Variants in CPS1 observed in about 807,000 individuals in gnomAD.
CPS1 encodes carbamoyl-phosphate synthase [ammonia], mitochondrial.
In CPS1, 109 loss-of-function variants were observed where a neutral mutation model predicts 174.6. The ratio of observed to expected loss-of-function variants is 0.62; its 90% CI spans 0.53 to 0.73. The LOEUF (loss-of-function observed/expected upper bound fraction) is 0.73. CPS1 is among the 30% of genes least tolerant of loss of function. CPS1 has a pLI of 0.00. For missense variants in CPS1, 1,689 were observed against 1,821.9 expected (o/e 0.93, Z 1.33); for synonymous variants, 637 against 632.0 (o/e 1.01, Z -0.12).
At chr2:210,506,459 T>C (rs1695287806) in intron 1 of CPS1, among the ~76,000 whole-genome samples, 1 of 151,792 alleles carries the variant, frequency 6.6e-6, no homozygotes, top group Non-Finnish European at 1.5e-5. Flanking sequence ...AAACTGAAAA[T>C]TCTAAAATCA....
At chr2:210,658,809 G>T in intron 31 of CPS1, 121 bp downstream of exon 31, 1 of 745,246 alleles carries the variant, frequency 1.3e-6, no homozygotes, top group Non-Finnish European at 2.4e-6. Context: ...CCCTGGATCT[G>T]TTTGTGTCTG....
chr2:210,595,632 C>T, intron 13 of CPS1, 50 bp downstream of exon 13: 1 of 1,209,080 alleles, frequency 8.3e-7, no homozygotes, highest in South Asian at 1.2e-5. Flanking sequence ...TTTAATGAGT[C>T]TAATTAGTAT....
chr2:210,518,943 A>G (rs1695751133), intron 1 of CPS1, among the ~76,000 whole-genome samples: 3 of 151,970 alleles, frequency 2.0e-5, no homozygotes. Context: ...GGTTTTTATT[A>G]ATTCCAAATG....
intron 28 of CPS1, among the ~76,000 whole-genome samples, chr2:210,652,326 AT>A: frequency 6.6e-6 from 1 of 152,288 alleles, no homozygotes; most frequent in Admixed American, 6.5e-5. Flanking sequence ...CATATTTTTT[AT>A]TTTAAAAAGA....
chr2:210,529,654 A>G (rs747535925), intron 1 of CPS1, among the ~76,000 whole-genome samples: 2 of 151,942 alleles, frequency 1.3e-5, no homozygotes, highest in African/African-American at 2.4e-5. Context: ...ACTCTTCACT[A>G]TTTAATCAAT....
intron 25 of CPS1, among the ~76,000 whole-genome samples, chr2:210,642,890 T>A (rs1664605162): frequency 6.6e-6 from 1 of 152,160 alleles, no homozygotes; most frequent in Non-Finnish European, 1.5e-5. Context: ...TCACATAAAG[T>A]TTTTATTTAC....
chr2:210,614,596 C>G (rs934337155), intron 20 of CPS1, among the ~76,000 whole-genome samples: 6 of 151,950 alleles, frequency 3.9e-5, no homozygotes, highest in Non-Finnish European at 5.9e-5. Flanking sequence ...GCCATTCTAA[C>G]TAGCATGAGA....
In CPS1 at chr2:210,582,725, T is replaced by C; in HGVS notation, c.621+16T>C. ...TTCAACCAAGGTGAGGGGTTTTCCT[T>C]TATATTTTGTAGTTTTATTTGATCC... On this transcript the variant is annotated intron_variant, in intron 6 of 37. Transcript: ENST00000233072. The C allele has an allele frequency of 3.8e-6, 6 of 1,582,098 alleles. No homozygotes were observed. The highest frequency in any genetic ancestry group is 5.2e-6 in the Non-Finnish European group (6 of 1,151,126).
chr2:210,581,314 ATATGT>A (rs1289786763), intron 5 of CPS1, among the ~76,000 whole-genome samples: 2 of 152,130 alleles, frequency 1.3e-5, no homozygotes, highest in Non-Finnish European at 1.5e-5. Flanking sequence ...CTTTCATGTG[ATATGT>A]TAGGTTAAAA....
At chr2:210,617,498 C>T (rs1044683707) in intron 21 of CPS1, 2 of 152,008 alleles carry the variant, frequency 1.3e-5, no homozygotes, top group African/African-American at 4.8e-5. Context: ...ACCTGGATTG[C>T]TCAACTATTT....
At chr2:210,600,197 T>G (rs1698665728) in intron 14 of CPS1, among the ~76,000 whole-genome samples, 1 of 151,620 alleles carries the variant, frequency 6.6e-6, no homozygotes, top group Admixed American at 6.6e-5. Flanking sequence ...TTAGCCCAGG[T>G]AGGTACTCAT....
rs958584724 is a variant in CPS1 at position 210,637,791 on chromosome 2, C to T, written c.2777C>T (p.Ala926Val). Residue 926 changes from alanine (A) to valine (V), a missense_variant, in exon 22 of 38, where the codon GCC becomes GTC. By Grantham distance (64) the Ala-to-Val change is moderately conservative (BLOSUM62 0). Transcript: ENST00000233072. ...QISKCLGLTE[A>V]QTRELRLKKN... ...TCAAAATGCCTTGGGCTCACTGAGG[C>T]CCAGACAAGGGAGCTGAGGTTAAAG... The T allele has an allele frequency of 3.7e-6, 6 of 1,613,910 alleles. No homozygotes were observed. Among genetic ancestry groups the T allele is most frequent in the Non-Finnish European group, 5.1e-6 (6 of 1,179,880 alleles).
intron 3 of CPS1, 97 bp from the exon 4 acceptor site, chr2:210,577,324 T>C: frequency 1.1e-6 from 1 of 928,272 alleles, no homozygotes. Context: ...CTCATGTCAG[T>C]GGATATCATA....
chr2:210,591,810 T>C (rs775434425), intron 9 of CPS1, 21 bp from the exon 10 acceptor site: 2 of 1,610,590 alleles, frequency 1.2e-6, no homozygotes, highest in East Asian at 4.5e-5. Context: ...TTCCCTATTC[T>C]TTTTCTCCTT....
At position 210,647,754 on chromosome 2, in the gene CPS1, TCA is replaced by T; in HGVS notation, c.3142-106_3142-105del. 6 of 1,347,696 alleles carry T rather than the reference TCA, an allele frequency of 4.5e-6. No individual in the cohort carries two copies. In the South Asian group the frequency reaches 7.2e-5, roughly 16 times the overall value. The allele number at this position is 1,347,696 out of a possible 1,614,324, so 83.5% of individuals were successfully genotyped here. A position where few individuals can be genotyped will look rare whatever the true frequency, so the allele number is the denominator to read the frequency against. ...TTCATTGGTAGGAGAGATGTAAATA[TCA>T]CAGTCAGGTTAAGAATTATCAGTAA... On this transcript the variant is annotated intron_variant, in intron 25 of 37. Coordinates refer to ENST00000233072, the MANE Select transcript of CPS1 (RefSeq NM_001875.5).
rs1175504676 is a variant in CPS1, at chr2:210,599,462, T to C, written c.1450T>C (p.Phe484Leu). 6.2e-7 allele frequency: 1 copy of C among 1,612,626 alleles called. No homozygotes were observed. Among genetic ancestry groups the C allele is most frequent in the Non-Finnish European group, 8.5e-7 (1 of 1,179,096 alleles). Reference sequence around the variant, plus strand: ...CTTAAAGCAAGCGGATACTGTCTACTTTCTTCCCATCACCCCTCAGTTTGT... The same window carrying C: ...CTTAAAGCAAGCGGATACTGTCTACCTTCTTCCCATCACCCCTCAGTTTGT... ...VGLKQADTVY[F>L]LPITPQFVTE... Residue 484 changes from phenylalanine (F) to leucine (L), a missense_variant, in exon 14 of 38, where the codon TTT becomes CTT. Transcript: ENST00000233072.
At chr2:210,504,504 G>C (rs1364908466) in intron 1 of CPS1, among the ~76,000 whole-genome samples, 1 of 152,160 alleles carries the variant, frequency 6.6e-6, no homozygotes, top group Non-Finnish European at 1.5e-5. Context: ...AAGAAATTGA[G>C]TAAAAGTAGG....
intron 1 of CPS1, among the ~76,000 whole-genome samples, chr2:210,516,712 A>G (rs1297860508): frequency 6.6e-6 from 1 of 151,902 alleles, no homozygotes; most frequent in South Asian, 2.1e-4. Flanking sequence ...AGTGCTCCAC[A>G]TGGGCTACTG....
At chr2:210,653,934 G>T in intron 28 of CPS1, 91 bp from the exon 29 acceptor site, 1 of 1,005,554 alleles carries the variant, frequency 9.9e-7, no homozygotes, top group Non-Finnish European at 1.6e-6. Flanking sequence ...GTATTGCCCT[G>T]ATACTTATAA....
Sources: allele counts gnomAD v4.1 joint callset (sites outside exome capture counted in the v4.1 genomes callset), GRCh38; gene constraint gnomAD v4.1.1; transcripts MANE v1.5; gene names NCBI Gene and HGNC (gene_info 2026-07-23, HGNC 2026-07-21).